Variants in RBFOX1 observed in about 807,000 individuals in gnomAD.
RBFOX1 encodes RNA binding protein fox-1 homolog 1.
In RBFOX1, 8 loss-of-function variants were observed where a neutral mutation model predicts 57.7. That is an observed-to-expected ratio of 0.14 (90% CI 0.08 to 0.25). The LOEUF (loss-of-function observed/expected upper bound fraction) is 0.25, where lower values mean the gene tolerates loss of function less well. RBFOX1 is among the 10% of genes least tolerant of loss of function. The probability of loss-of-function intolerance (pLI) is 1.00; values close to 1 mark genes in which losing one functional copy is unlikely to be tolerated. For synonymous variants in RBFOX1, 326 were observed against 222.4 expected (o/e 1.47, Z -4.15); for missense variants, 611 against 548.5 (o/e 1.11, Z -1.14).
intron 2 of RBFOX1, among the ~76,000 whole-genome samples, chr16:6,599,665 G>A (rs1439904137): frequency 1.3e-5 from 2 of 152,078 alleles, no homozygotes; most frequent in Admixed American, 6.5e-5. Flanking sequence ...GCAGCCATAT[G>A]GCAGAGTGCT....
chr16:5,359,853 T>C (rs2065494357), intron 1 of RBFOX1, among the ~76,000 whole-genome samples: 1 of 152,212 alleles, frequency 6.6e-6, no homozygotes, highest in African/African-American at 2.4e-5. Context: ...GGTCCTCCGC[T>C]TTCTCACTCA....
At chr16:6,063,763 C>A (rs780377141) in intron 1 of RBFOX1, among the ~76,000 whole-genome samples, 1 of 152,144 alleles carries the variant, frequency 6.6e-6, no homozygotes, top group Non-Finnish European at 1.5e-5. Context: ...ATGTCTTGTT[C>A]CCTCTTGGGT....
intron 4 of RBFOX1, among the ~76,000 whole-genome samples, chr16:7,218,991 C>A (rs1042195553): frequency 2.0e-5 from 3 of 152,116 alleles, no homozygotes; most frequent in Admixed American, 6.6e-5. Context: ...CTGCCTGTTA[C>A]ATGCTGGTGG....
rs71145234 is a variant in RBFOX1, at chr16:6,486,082, CT to C, written c.-63-168496del. Among the ~76,000 whole-genome samples the C allele has an allele frequency of 8.6e-3, 541 of 62,918 alleles. 1 individual carries two copies. Among genetic ancestry groups the C allele is most frequent in the East Asian group, 0.03 (55 of 1,838 alleles). 41.3% of individuals were successfully genotyped at this position (62,918 alleles called of 152,430 possible). A position where few individuals can be genotyped will look rare whatever the true frequency, so the allele number is the denominator to read the frequency against. ...AGTTGAAGGAGATCTCAGTAAAAGGCTTTTTTTTTTTTTTTTTTTTTTTTTG... is the reference window on the plus strand; with the variant it reads ...AGTTGAAGGAGATCTCAGTAAAAGGCTTTTTTTTTTTTTTTTTTTTTTTTG... On this transcript the variant is annotated intron_variant, in intron 2 of 15. Coordinates refer to ENST00000550418, the MANE Select transcript of RBFOX1 (RefSeq NM_018723.4).
intron 1 of RBFOX1, among the ~76,000 whole-genome samples, chr16:6,109,504 T>C (rs1432071628): frequency 6.6e-6 from 1 of 152,208 alleles, no homozygotes; most frequent in African/African-American, 2.4e-5. Context: ...GTCGATGATA[T>C]ATTTGTTGTA....
At chr16:6,176,467 G>A (rs970432126) in intron 1 of RBFOX1, among the ~76,000 whole-genome samples, 2 of 151,786 alleles carry the variant, frequency 1.3e-5, no homozygotes, top group Non-Finnish European at 2.9e-5. Flanking sequence ...CCTCAGGATT[G>A]AGGAATTTAG....
chr16:6,780,041 A>T (rs1377187039), intron 3 of RBFOX1, among the ~76,000 whole-genome samples: 4 of 41,118 alleles, frequency 9.7e-5, no homozygotes, highest in Non-Finnish European at 1.4e-4. Context: ...ATATTTATAT[A>T]TATTTACATA....
intron 4 of RBFOX1, among the ~76,000 whole-genome samples, chr16:7,428,619 C>T (rs1322925734): frequency 3.3e-5 from 5 of 151,250 alleles, no homozygotes; most frequent in African/African-American, 1.2e-4. Context: ...GATCCACCTG[C>T]CTTGGCCTCC....
chr16:5,987,650 C>A (rs1016376875), intron 4 of RBFOX1, among the ~76,000 whole-genome samples: 2 of 152,110 alleles, frequency 1.3e-5, no homozygotes. Context: ...CTGTAGGGCA[C>A]TATCATCATT....
chr16:7,498,036 T>C (rs2069279385), intron 4 of RBFOX1, among the ~76,000 whole-genome samples: 1 of 152,218 alleles, frequency 6.6e-6, no homozygotes, highest in Non-Finnish European at 1.5e-5. Flanking sequence ...TCTCTGAGCC[T>C]TGGGAGCTTT....
intron 4 of RBFOX1, among the ~76,000 whole-genome samples, chr16:5,965,889 C>A (rs775239388): frequency 6.6e-6 from 1 of 151,928 alleles, no homozygotes. Context: ...CAGCTCACAC[C>A]TCTCATTATA....
chr16:6,208,104 T>A (rs924076019), intron 1 of RBFOX1, among the ~76,000 whole-genome samples: 4 of 152,018 alleles, frequency 2.6e-5, no homozygotes, highest in African/African-American at 9.7e-5. Flanking sequence ...TTTCTCTGCA[T>A]AAAAACTAAA....
At chr16:7,644,866 G>C (rs985070830) in intron 11 of RBFOX1, among the ~76,000 whole-genome samples, 1 of 152,182 alleles carries the variant, frequency 6.6e-6, no homozygotes, top group Non-Finnish European at 1.5e-5. Context: ...AAAGCCTTTG[G>C]AGGGAGCGAT....
intron 3 of RBFOX1, among the ~76,000 whole-genome samples, chr16:6,991,249 G>C (rs1031783430): frequency 2.0e-5 from 3 of 151,158 alleles, no homozygotes; most frequent in African/African-American, 7.3e-5. Context: ...GCAGTGAGTT[G>C]AGACCATGCC....
intron 2 of RBFOX1, among the ~76,000 whole-genome samples, chr16:5,477,106 T>G (rs1246408612): frequency 6.6e-6 from 1 of 152,198 alleles, no homozygotes; most frequent in Admixed American, 6.5e-5. Flanking sequence ...CTCGACCTCC[T>G]GGGCTCAGGC....
intron 2 of RBFOX1, among the ~76,000 whole-genome samples, chr16:5,542,799 T>C (rs543172845): frequency 6.6e-6 from 1 of 152,314 alleles, no homozygotes; most frequent in Non-Finnish European, 1.5e-5. Context: ...TACTTTACCA[T>C]CCATACTCAT....
intron 1 of RBFOX1, among the ~76,000 whole-genome samples, chr16:6,252,193 A>T (rs2097620383): frequency 6.6e-6 from 1 of 151,992 alleles, no homozygotes; most frequent in Non-Finnish European, 1.5e-5. Context: ...CCCATCCCGC[A>T]ACTTGATAGA....
At chr16:7,447,653 G>C (rs945075064) in intron 4 of RBFOX1, among the ~76,000 whole-genome samples, 1 of 152,136 alleles carries the variant, frequency 6.6e-6, no homozygotes, top group East Asian at 1.9e-4. Flanking sequence ...ACTTTTCCTT[G>C]CATCTTCAGC....
At chr16:7,526,949 G>A (rs2078842364) in intron 5 of RBFOX1, among the ~76,000 whole-genome samples, 2 of 152,166 alleles carry the variant, frequency 1.3e-5, no homozygotes, top group African/African-American at 2.4e-5. Context: ...AGCCACACTG[G>A]CCTCTTTTCT....
Sources: gnomAD v4.1 joint callset for allele counts (sites outside exome capture counted in the v4.1 genomes callset) on GRCh38, gnomAD v4.1.1 for gene constraint, MANE v1.5 for transcripts, NCBI Gene and HGNC (gene_info 2026-07-23, HGNC 2026-07-21) for gene names.